PPFIA2: variants seen among roughly 807,000 people sequenced by gnomAD.
The protein encoded by PPFIA2 is liprin-alpha-2.
In PPFIA2, 46 loss-of-function variants were observed where a neutral mutation model predicts 175.5. The observed-to-expected ratio is 0.26, with a 90% CI of 0.21 to 0.34. PPFIA2 has a LOEUF of 0.34. Ranked by LOEUF, PPFIA2 falls within the 10% of genes least tolerant of loss-of-function variation. PPFIA2 has a pLI of 1.00. For missense variants in PPFIA2, 1,179 were observed against 1,506.1 expected (o/e 0.78, Z 3.60); for synonymous variants, 568 against 511.4 (o/e 1.11, Z -1.49).
At position 81,493,787 on chromosome 12, in the gene PPFIA2, T is replaced by TATATATATATATAC. The variant is rs1491517743; in HGVS notation, c.304-35922_304-35921insGTATATATATATAT. Among the ~76,000 whole-genome samples, 132 of 128,278 alleles carry TATATATATATATAC rather than the reference T, an allele frequency of 1.0e-3. 1 individual carries two copies. Among genetic ancestry groups the TATATATATATATAC allele is most frequent in the Middle Eastern group, 3.9e-3 (1 of 254 alleles). The allele number at this position is 128,278 out of a possible 152,430, so 84.2% of individuals were successfully genotyped here. On this transcript the variant is annotated intron_variant, in intron 4 of 32. Coordinates refer to ENST00000549396, the MANE Select transcript of PPFIA2 (RefSeq NM_003625.5). The stretch of plus-strand genomic sequence containing the variant: ...ATATATATATATATATATATATATA[T>TATATATATATATAC]ACACATTGGAAAAAATAACAGCATT...
At chr12:81,660,156 GGAAC>G (rs1340112229) in intron 4 of PPFIA2, among the ~76,000 whole-genome samples, 2 of 152,262 alleles carry the variant, frequency 1.3e-5, no homozygotes, top group Admixed American at 1.3e-4. Context: ...CTCCTCCAAA[GGAAC>G]GCAGCTCCTC....
chr12:81,326,492 CTTCATAA>C (rs1263098625), intron 21 of PPFIA2, among the ~76,000 whole-genome samples: 1 of 151,984 alleles, frequency 6.6e-6, no homozygotes, highest in Admixed American at 6.6e-5. Context: ...GTTTTTTAAA[CTTCATAA>C]TATTTTTTGA....
intron 4 of PPFIA2, among the ~76,000 whole-genome samples, chr12:81,627,999 C>G (rs910446732): frequency 3.9e-5 from 6 of 151,958 alleles, no homozygotes; most frequent in Non-Finnish European, 5.9e-5. Context: ...TCAATAAATA[C>G]AATACCTAAG....
At chr12:81,269,215 G>A (rs1393247739) in intron 28 of PPFIA2, among the ~76,000 whole-genome samples, 1 of 151,304 alleles carries the variant, frequency 6.6e-6, no homozygotes, top group Non-Finnish European at 1.5e-5. Context: ...ATAGTCCGAA[G>A]GACTAAAATT....
chr12:81,692,109 G>GACACACAC (rs71098161), intron 3 of PPFIA2, among the ~76,000 whole-genome samples: 3,783 of 149,348 alleles, frequency 0.025, 57 homozygotes, highest in South Asian at 0.059. Context: ...CACAAACACA[G>GACACACAC]ACACACACAC....
chr12:81,667,633 C>A (rs2070600732), intron 4 of PPFIA2, among the ~76,000 whole-genome samples: 1 of 152,072 alleles, frequency 6.6e-6, no homozygotes, highest in Admixed American at 6.6e-5. Context: ...CTTCATCTTT[C>A]ATCAATCTTG....
rs199558459 is a variant in PPFIA2 at position 81,699,596 on chromosome 12, A to T, written c.250-22752T>A. Reference sequence around the variant, plus strand: ...TTTCTTGACTATTTGAATTATATTTAGGTTAGTTAAGTATAATCTAAATGA... The same window carrying T: ...TTTCTTGACTATTTGAATTATATTTTGGTTAGTTAAGTATAATCTAAATGA... On this transcript the variant is annotated intron_variant, in intron 3 of 32. Transcript: ENST00000549396. Among the ~76,000 whole-genome samples the T allele has an allele frequency of 2.6e-4, 40 of 152,046 alleles. No homozygotes were observed. In the East Asian group the frequency reaches 7.2e-3, roughly 27 times the overall value.
At chr12:81,564,463 C>T (rs1221543321) in intron 4 of PPFIA2, among the ~76,000 whole-genome samples, 1 of 152,116 alleles carries the variant, frequency 6.6e-6, no homozygotes, top group Non-Finnish European at 1.5e-5. Context: ...GTTGTCTGTA[C>T]AGTGAACTGC....
At chr12:81,370,487 T>G (rs935814973) in intron 11 of PPFIA2, among the ~76,000 whole-genome samples, 3 of 151,902 alleles carry the variant, frequency 2.0e-5, no homozygotes, top group Non-Finnish European at 4.4e-5. Flanking sequence ...TTGAAAGTCC[T>G]CAAATTATCA....
chr12:81,665,835 G>A lies in PPFIA2; in HGVS notation c.303+10956C>T, dbSNP rs554207576. 4.5e-4 allele frequency among the ~76,000 whole-genome samples: 68 copies of A among 152,030 alleles called. 1 individual carries two copies. The East Asian group carries it at 0.011, about 24-fold the overall frequency. On this transcript the variant is annotated intron_variant, in intron 4 of 32. Transcript: ENST00000549396. ...CATCAGAGTGAACAGGCAACCTACA[G>A]AATGGGAGAAAATTTTTGCAATCTA...
chr12:81,457,288 T>A (rs928906750), intron 5 of PPFIA2, among the ~76,000 whole-genome samples: 7 of 151,918 alleles, frequency 4.6e-5, no homozygotes, highest in African/African-American at 1.7e-4. Flanking sequence ...CCGGCCTTTT[T>A]TTTTTTTTCC....
chr12:81,534,253 C>T (rs1317350303), intron 4 of PPFIA2, among the ~76,000 whole-genome samples: 2 of 151,364 alleles, frequency 1.3e-5, no homozygotes, highest in Admixed American at 1.3e-4. Flanking sequence ...TTCTAAAAGT[C>T]CATAGCAGAG....
intron 5 of PPFIA2, among the ~76,000 whole-genome samples, chr12:81,453,390 G>T (rs2053011314): frequency 6.6e-6 from 1 of 151,876 alleles, no homozygotes; most frequent in Non-Finnish European, 1.5e-5. Context: ...AAAATTCCCA[G>T]TTTTTCTTTA....
In PPFIA2 at chr12:81,640,320, A is replaced by C. The variant is rs867629161; in HGVS notation, c.303+36471T>G. The stretch of plus-strand genomic sequence containing the variant: ...CAAAAGAAGTCTGTAGAGGAATAAG[A>C]TTCTAACAGTTGGTGATGATAGGAG... On this transcript the variant is annotated intron_variant, in intron 4 of 32. Transcript: ENST00000549396. Among the ~76,000 whole-genome samples, 6 of 152,278 alleles carry C rather than the reference A, an allele frequency of 3.9e-5. No individual in the cohort carries two copies. In the South Asian group the frequency reaches 1.2e-3, roughly 32 times the overall value.
intron 3 of PPFIA2, among the ~76,000 whole-genome samples, chr12:81,682,886 G>A (rs1173416359): frequency 2.6e-5 from 4 of 152,018 alleles, no homozygotes; most frequent in African/African-American, 9.6e-5. Context: ...AGCTTCAGTC[G>A]ACACAGCTGA....
At chr12:81,350,276 A>G (rs74341564) in intron 17 of PPFIA2, among the ~76,000 whole-genome samples, 2,196 of 152,214 alleles carry the variant, frequency 0.014, 52 homozygotes, top group East Asian at 0.059. Flanking sequence ...GTTTTACATT[A>G]TTTTTCTATT....
At chr12:81,274,976 C>T (rs1232386039) in intron 28 of PPFIA2, among the ~76,000 whole-genome samples, 1 of 152,138 alleles carries the variant, frequency 6.6e-6, no homozygotes, top group African/African-American at 2.4e-5. Context: ...AATTCCTCTC[C>T]TTTAGATCTA....
chr12:81,305,153 T>C (rs754081506), intron 22 of PPFIA2, among the ~76,000 whole-genome samples: 8 of 152,166 alleles, frequency 5.3e-5, no homozygotes, highest in Non-Finnish European at 8.8e-5. Context: ...ACTTAATCTC[T>C]TTGAGACTTA....
At position 81,258,289 on chromosome 12, in the gene PPFIA2, A is replaced by G. The variant is rs1431801793; in HGVS notation, c.*1405T>C. 3 of 152,138 alleles carry G rather than the reference A, an allele frequency of 2.0e-5. No homozygotes were observed. The highest frequency in any genetic ancestry group is 7.2e-5 in the African/African-American group (3 of 41,454). 9.4% of individuals were successfully genotyped at this position (152,138 alleles called of 1,614,324 possible). On this transcript the variant is annotated 3_prime_UTR_variant, in exon 33 of 33. Transcript: ENST00000549396. ...ACTGGAATTATTATTTTTTTTATTG[A>G]CAATGGAAAGGGTTTCTGTTATCAT...
Sources: allele counts gnomAD v4.1 joint callset (sites outside exome capture counted in the v4.1 genomes callset), GRCh38; gene constraint gnomAD v4.1.1; transcripts MANE v1.5; gene names NCBI Gene and HGNC (gene_info 2026-07-23, HGNC 2026-07-21).